The following PTPN11 variants were observed in gnomAD, a reference collection of about 807,000 sequenced individuals.
PTPN11 encodes tyrosine-protein phosphatase non-receptor type 11.
PTPN11 carries 6 observed loss-of-function variants against 78.8 expected under a neutral mutation model. The ratio of observed to expected loss-of-function variants is 0.08; its 90% CI spans 0.04 to 0.15. The LOEUF is 0.15. Ranked by LOEUF, PTPN11 falls within the 10% of genes least tolerant of loss-of-function variation. The probability of loss-of-function intolerance (pLI) is 1.00; values close to 1 mark genes in which losing one functional copy is unlikely to be tolerated. For missense variants in PTPN11, 386 were observed against 744.8 expected, an observed-to-expected ratio of 0.52 and a Z score of 5.61; for synonymous variants, 221 against 263.5, an observed-to-expected ratio of 0.84 and a Z score of 1.56.
chr12:112,484,434 G>A (rs2038643502), intron 10 of PTPN11, among the ~76,000 whole-genome samples: 1 of 152,218 alleles, frequency 6.6e-6, no homozygotes, highest in South Asian at 2.1e-4. Context: ...AGGAATGGAG[G>A]CACATGGTAG....
Position 112,418,971 on chromosome 12 carries a change from AGGGGGGTCTGTGCGCGG to A in PTPN11, c.-140_-124del, listed in dbSNP as rs1566150239. 9.9e-5 allele frequency: 99 copies of A among 1,004,426 alleles called. No individual in the cohort carries two copies. The highest frequency in any genetic ancestry group is 1.3e-4 in the Non-Finnish European group (88 of 675,478). The allele number at this position is 1,004,426 out of a possible 1,614,324, so 62.2% of individuals were successfully genotyped here. A position where few individuals can be genotyped will look rare whatever the true frequency, so the allele number is the denominator to read the frequency against. ...CAGTCTCCGGGATCCCCAGGCCTGG[AGGGGGGTCTGTGCGCGG>A]CCGGCTGGCTCTGCCCCGCGTCCGG... On this transcript the variant is annotated 5_prime_UTR_variant, in exon 1 of 16. Coordinates refer to ENST00000351677, the MANE Select transcript of PTPN11 (RefSeq NM_002834.5).
intron 6 of PTPN11, among the ~76,000 whole-genome samples, chr12:112,468,900 CA>C (rs963911877): frequency 3.3e-5 from 5 of 152,116 alleles, no homozygotes; most frequent in African/African-American, 9.7e-5. Flanking sequence ...CCTGTCTTTA[CA>C]AAAAGGAAAA....
chr12:112,429,289 A>G (rs1046683947), intron 1 of PTPN11, among the ~76,000 whole-genome samples: 1 of 152,124 alleles, frequency 6.6e-6, no homozygotes, highest in Admixed American at 6.6e-5. Context: ...CTGGTTACTA[A>G]GTTTCCCTGA....
At position 112,505,860 on chromosome 12, in the gene PTPN11, A is replaced by C. The variant is rs1454900829; in HGVS notation, c.*68A>C. The C allele has an allele frequency of 6.4e-6, 1 of 155,088 alleles. No homozygotes were observed. The highest frequency in any genetic ancestry group is 1.5e-5 in the Non-Finnish European group (1 of 68,048). 9.6% of individuals were successfully genotyped at this position (155,088 alleles called of 1,614,324 possible). ...TCACCCTCTCCCTAAAAAGATCAAG[A>C]ACAGACGCAAGAAAGTTTATGTGAA... On this transcript the variant is annotated 3_prime_UTR_variant, in exon 16 of 16. Coordinates refer to ENST00000351677, the MANE Select transcript of PTPN11 (RefSeq NM_002834.5).
intron 1 of PTPN11, among the ~76,000 whole-genome samples, chr12:112,443,715 T>C (rs138369352): frequency 1.0e-3 from 151 of 147,878 alleles, no homozygotes; most frequent in African/African-American, 3.6e-3. Context: ...TGCAGTGGTA[T>C]GATCTTGGCT....
chr12:112,474,039 C>T (rs906359498), intron 7 of PTPN11, among the ~76,000 whole-genome samples: 1 of 151,736 alleles, frequency 6.6e-6, no homozygotes, highest in African/African-American at 2.4e-5. Flanking sequence ...GGCACCAGTA[C>T]ACCTGGTTGA....
intron 6 of PTPN11, among the ~76,000 whole-genome samples, chr12:112,472,504 T>C (rs1257624256): frequency 6.6e-6 from 1 of 152,088 alleles, no homozygotes; most frequent in Non-Finnish European, 1.5e-5. Flanking sequence ...TCAGCATTTC[T>C]CCACAGTTGT....
At chr12:112,432,418 C>T (rs149380154) in intron 1 of PTPN11, among the ~76,000 whole-genome samples, 127 of 152,200 alleles carry the variant, frequency 8.3e-4, no homozygotes, top group African/African-American at 2.9e-3. Context: ...GCAATCCCAG[C>T]ACTTTGGGAG....
intron 2 of PTPN11, among the ~76,000 whole-genome samples, chr12:112,448,905 A>G (rs2038034311): frequency 1.3e-5 from 2 of 150,876 alleles, no homozygotes; most frequent in Non-Finnish European, 1.5e-5. Context: ...ATTTTTTTTG[A>G]GTGGGAGTTT....
intron 13 of PTPN11, among the ~76,000 whole-genome samples, chr12:112,497,891 G>C (rs1592860006): frequency 6.6e-6 from 1 of 152,122 alleles, no homozygotes; most frequent in African/African-American, 2.4e-5. Flanking sequence ...GGTGGCTCAC[G>C]CCTGTAATCC....
At position 112,504,652 on chromosome 12, in the gene PTPN11, G is replaced by T. The variant is rs750355443; in HGVS notation, c.1713-43G>T. 4 of 1,393,114 alleles carry T rather than the reference G, an allele frequency of 2.9e-6. No homozygotes were observed. The African/African-American group carries it at 4.3e-5, about 15-fold the overall frequency. The allele number at this position is 1,393,114 out of a possible 1,614,324, so 86.3% of individuals were successfully genotyped here. On this transcript the variant is annotated intron_variant, in intron 14 of 15. Coordinates refer to ENST00000351677, the MANE Select transcript of PTPN11 (RefSeq NM_002834.5). The surrounding 1 kb of genome is among the most constrained non-coding windows in gnomAD (Gnocchi z 4.7). ...ATATCATGTAAGCTTAAACAGCGTG[G>T]TCTACATTTTTGTAAATGTCTTTCT... is the stretch of plus-strand genomic sequence containing the variant.
intron 1 of PTPN11, among the ~76,000 whole-genome samples, chr12:112,445,601 A>C (rs2037980365): frequency 6.6e-6 from 1 of 150,810 alleles, no homozygotes; most frequent in African/African-American, 2.4e-5. Flanking sequence ...CTGGCTTGCT[A>C]TCCTCAACAT....
intron 13 of PTPN11, among the ~76,000 whole-genome samples, chr12:112,490,304 C>CTTT (rs1258631865): frequency 8.5e-5 from 11 of 128,716 alleles, no homozygotes; most frequent in East Asian, 2.5e-4. Flanking sequence ...TCAGGGATGT[C>CTTT]TTTTTTTTTT....
intron 13 of PTPN11, among the ~76,000 whole-genome samples, chr12:112,492,709 G>A (rs978302193): frequency 3.3e-5 from 5 of 151,962 alleles, no homozygotes; most frequent in African/African-American, 1.2e-4. Flanking sequence ...AGTAGAGACG[G>A]GGTCTCACCG....
At chr12:112,462,384 G>T (rs1044106473) in intron 6 of PTPN11, among the ~76,000 whole-genome samples, 8 of 151,950 alleles carry the variant, frequency 5.3e-5, no homozygotes, top group African/African-American at 1.9e-4. Context: ...AACTTCCTGT[G>T]CCTTAGACTC....
intron 3 of PTPN11, among the ~76,000 whole-genome samples, chr12:112,451,353 C>T (rs1275602377): frequency 6.6e-6 from 1 of 152,180 alleles, no homozygotes; most frequent in Non-Finnish European, 1.5e-5. Context: ...TGAAGAATAA[C>T]TCAAAGTTTA....
At chr12:112,445,153 A>T (rs2037972134) in intron 1 of PTPN11, among the ~76,000 whole-genome samples, 1 of 151,986 alleles carries the variant, frequency 6.6e-6, no homozygotes, top group Non-Finnish European at 1.5e-5. Flanking sequence ...TTTTTTTGAG[A>T]TGGAGTCTTG....
chr12:112,472,585 G>A (rs1263612702), intron 6 of PTPN11, among the ~76,000 whole-genome samples: 3 of 151,230 alleles, frequency 2.0e-5, no homozygotes, highest in Admixed American at 2.0e-4. Context: ...CCAGGCTGGA[G>A]TGCAGTGGCA....
chr12:112,469,076 A>G (rs1441299328), intron 6 of PTPN11, among the ~76,000 whole-genome samples: 1 of 152,136 alleles, frequency 6.6e-6, no homozygotes, highest in African/African-American at 2.4e-5. Flanking sequence ...CAACAAAAAA[A>G]AAGATTAAGG....
Sources: allele counts gnomAD v4.1 joint callset (sites outside exome capture counted in the v4.1 genomes callset), GRCh38; gene constraint gnomAD v4.1.1; non-coding constraint Gnocchi (gnomAD v3.1); transcripts MANE v1.5; gene names NCBI Gene and HGNC (gene_info 2026-07-23, HGNC 2026-07-21).